Variants in LRRC38 observed in about 807,000 individuals in gnomAD.
LRRC38 encodes the protein leucine rich repeat containing 38.
A neutral mutation model predicts 16.4 loss-of-function variants in LRRC38; 5 were observed. The observed-to-expected ratio is 0.31, with a 90% CI of 0.16 to 0.64. The LOEUF is 0.64. LRRC38 is among the 30% of genes least tolerant of loss of function. The pLI is 0.80. For synonymous variants in LRRC38, 191 were observed against 190.2 expected (o/e 1.00, Z -0.04); for missense variants, 341 against 401.8 (o/e 0.85, Z 1.29).
At chr1:13,488,266 CTTTT>C (rs113805396) in intron 1 of LRRC38, among the ~76,000 whole-genome samples, 2 of 140,354 alleles carry the variant, frequency 1.4e-5, no homozygotes, top group African/African-American at 2.7e-5. Flanking sequence ...GCCTTGCACA[CTTTT>C]TTTTTTTTTT....
chr1:13,489,371 C>CT (rs1638980057), intron 1 of LRRC38, among the ~76,000 whole-genome samples: 1 of 152,202 alleles, frequency 6.6e-6, no homozygotes. Flanking sequence ...CACAGCCAGC[C>CT]TTGGTTTCAC....
chr1:13,484,336 T>C (rs371250529), intron 1 of LRRC38, among the ~76,000 whole-genome samples: 147 of 152,024 alleles, frequency 9.7e-4, no homozygotes, highest in South Asian at 1.0e-3. Flanking sequence ...TTATTTTCTG[T>C]CCCCCTGCTC....
At chr1:13,489,299 C>T (rs1293706682) in intron 1 of LRRC38, among the ~76,000 whole-genome samples, 3 of 152,252 alleles carry the variant, frequency 2.0e-5, no homozygotes, top group Non-Finnish European at 4.4e-5. Flanking sequence ...TCCTTGCCAG[C>T]CTCCAGGAAC....
At position 13,475,165 on chromosome 1, in the gene LRRC38, A is replaced by G. The variant is rs972469703; in HGVS notation, c.*681T>C. 2.0e-5 allele frequency: 3 copies of G among 152,144 alleles called. No homozygotes were observed. Among genetic ancestry groups the G allele is most frequent in the African/African-American group, 7.2e-5 (3 of 41,402 alleles). 9.4% of individuals were successfully genotyped at this position (152,144 alleles called of 1,614,324 possible). A position where few individuals can be genotyped will look rare whatever the true frequency, so the allele number is the denominator to read the frequency against. On this transcript the variant is annotated 3_prime_UTR_variant, in exon 2 of 2. Coordinates refer to ENST00000376085, the MANE Select transcript of LRRC38 (RefSeq NM_001010847.2). The surrounding 1 kb of genome is among the most constrained non-coding windows in gnomAD (Gnocchi z 4.3). ...GGGGCCACCTTTCATGAGGGCACTA[A>G]TCCCATCATTTGGGCCCCATCCTCA... is the stretch of plus-strand genomic sequence containing the variant.
intron 1 of LRRC38, among the ~76,000 whole-genome samples, chr1:13,503,330 A>ACGATCTCGGCTCACTGCAAGCTC (rs1639173131): frequency 1.3e-5 from 2 of 152,084 alleles, no homozygotes; most frequent in Non-Finnish European, 2.9e-5. Flanking sequence ...GCAGTGTGGC[A>ACGATCTCGGCTCACTGCAAGCTC]CGATCTCGGC....
At chr1:13,485,794 T>C (rs143987250) in intron 1 of LRRC38, among the ~76,000 whole-genome samples, 40 of 152,270 alleles carry the variant, frequency 2.6e-4, no homozygotes, top group African/African-American at 8.7e-4. Flanking sequence ...TGTTACAAAT[T>C]ACCACAAACC....
At chr1:13,491,677 C>T (rs143523291) in intron 1 of LRRC38, among the ~76,000 whole-genome samples, 1 of 151,544 alleles carries the variant, frequency 6.6e-6, no homozygotes, top group East Asian at 2.0e-4. Context: ...TTTCTTTTCT[C>T]TCTTTTTTTT....
intron 1 of LRRC38, among the ~76,000 whole-genome samples, chr1:13,498,783 C>T (rs1387269995): frequency 6.6e-6 from 1 of 152,172 alleles, no homozygotes; most frequent in Non-Finnish European, 1.5e-5. Flanking sequence ...ACAATACCAC[C>T]AACTGGGTGG....
intron 1 of LRRC38, among the ~76,000 whole-genome samples, chr1:13,491,893 C>T (rs751560944): frequency 6.6e-6 from 1 of 152,162 alleles, no homozygotes; most frequent in Non-Finnish European, 1.5e-5. Flanking sequence ...CCAGGCTGGT[C>T]TCGAACTCCT....
At position 13,475,307 on chromosome 1, in the gene LRRC38, A is replaced by G. The variant is rs1638773696; in HGVS notation, c.*539T>C. ...AACATAAACATTGAGTCTATTGCAC[A>G]CGAGTTTATTAGTTCCCAGTATAAC... On this transcript the variant is annotated 3_prime_UTR_variant, in exon 2 of 2. Transcript: ENST00000376085. The surrounding 1 kb of genome is among the most constrained non-coding windows in gnomAD (Gnocchi z 4.3). 6.4e-6 allele frequency: 1 copy of G among 155,308 alleles called. No individual in the cohort carries two copies. Among genetic ancestry groups the G allele is most frequent in the African/African-American group, 2.4e-5 (1 of 41,430 alleles). 9.6% of individuals were successfully genotyped at this position (155,308 alleles called of 1,614,324 possible).
chr1:13,484,353 C>G (rs1024075197), intron 1 of LRRC38, among the ~76,000 whole-genome samples: 3 of 152,190 alleles, frequency 2.0e-5, no homozygotes, highest in Non-Finnish European at 2.9e-5. Flanking sequence ...GCTCCTCCCC[C>G]ACTCCCATGT....
chr1:13,483,108 C>G (rs932987264), intron 1 of LRRC38, among the ~76,000 whole-genome samples: 7 of 151,960 alleles, frequency 4.6e-5, no homozygotes, highest in African/African-American at 1.7e-4. Flanking sequence ...CCCCTCCCAA[C>G]AAGCTCCCTC....
At chr1:13,479,791 T>C (rs1232817495) in intron 1 of LRRC38, among the ~76,000 whole-genome samples, 3 of 150,474 alleles carry the variant, frequency 2.0e-5, no homozygotes. Flanking sequence ...GCTGAGGGTA[T>C]TGCTACAAAA....
chr1:13,476,529 A>G (rs570450848), intron 1 of LRRC38, among the ~76,000 whole-genome samples: 3 of 152,216 alleles, frequency 2.0e-5, no homozygotes, highest in African/African-American at 7.2e-5. Context: ...GGGTTTCACC[A>G]TGTTGGCCAG....
chr1:13,500,899 G>A (rs1217761677), intron 1 of LRRC38, among the ~76,000 whole-genome samples: 8 of 152,172 alleles, frequency 5.3e-5, no homozygotes, highest in Non-Finnish European at 1.0e-4. Flanking sequence ...CAGTGGTCAT[G>A]AGGGGTTGAG....
intron 1 of LRRC38, among the ~76,000 whole-genome samples, chr1:13,488,897 A>G (rs1638974335): frequency 6.6e-6 from 1 of 152,032 alleles, no homozygotes; most frequent in Admixed American, 6.6e-5. Context: ...GATCCAGCCC[A>G]CCCAACCTCA....
chr1:13,493,074 G>A (rs1639036010), intron 1 of LRRC38, among the ~76,000 whole-genome samples: 1 of 152,182 alleles, frequency 6.6e-6, no homozygotes, highest in South Asian at 2.1e-4. Flanking sequence ...CTCACCCTCG[G>A]CTCACGAAGT....
In LRRC38 at chr1:13,512,343, G is replaced by C. The variant is rs541076303; in HGVS notation, c.631+620C>G. Among the ~76,000 whole-genome samples the C allele has an allele frequency of 5.9e-5, 9 of 152,348 alleles. No homozygotes were observed. The East Asian group carries it at 1.7e-3, about 29-fold the overall frequency. On this transcript the variant is annotated intron_variant, in intron 1 of 1. Coordinates refer to ENST00000376085, the MANE Select transcript of LRRC38 (RefSeq NM_001010847.2). ...GAAGCGTGCACCAGGAAAGCAAAGG[G>C]GGCACCAGCCCTCTACATTTTGGTT... is the stretch of plus-strand genomic sequence containing the variant.
chr1:13,489,357 C>T (rs1181676345), intron 1 of LRRC38, among the ~76,000 whole-genome samples: 2 of 152,204 alleles, frequency 1.3e-5, no homozygotes, highest in Non-Finnish European at 2.9e-5. Flanking sequence ...TGGCCTTTCA[C>T]GCCCACAGCC....
Sources: allele counts gnomAD v4.1 joint callset (sites outside exome capture counted in the v4.1 genomes callset), GRCh38; gene constraint gnomAD v4.1.1; non-coding constraint Gnocchi (gnomAD v3.1); transcripts MANE v1.5; gene names NCBI Gene and HGNC (gene_info 2026-07-23, HGNC 2026-07-21).